The following ARFGEF1 variants were observed in gnomAD, a reference collection of about 807,000 sequenced individuals.
The protein encoded by ARFGEF1 is ARF guanine nucleotide exchange factor 1, also known as brefeldin A-inhibited guanine nucleotide-exchange protein 1.
In ARFGEF1, 42 loss-of-function variants were observed where a neutral mutation model predicts 231.0. The observed-to-expected ratio is 0.18, with a 90% CI of 0.14 to 0.24. The LOEUF (loss-of-function observed/expected upper bound fraction) is 0.24, where lower values mean the gene tolerates loss of function less well. ARFGEF1 is among the 10% of genes least tolerant of loss of function. The pLI is 1.00. For synonymous variants in ARFGEF1, 710 were observed against 732.3 expected, an observed-to-expected ratio of 0.97 and a Z score of 0.49; for missense variants, 1,345 against 2,192.0, an observed-to-expected ratio of 0.61 and a Z score of 7.72.
chr8:67,227,220 A>T lies in ARFGEF1; in HGVS notation c.3833T>A (p.Ile1278Asn), dbSNP rs1160560536. 1 of 1,613,130 alleles carries T rather than the reference A, an allele frequency of 6.2e-7. No homozygotes were observed. The highest frequency in any genetic ancestry group is 1.7e-5 in the Admixed American group (1 of 59,978). The change falls in exon 27 of 39, where the codon ATT (isoleucine) becomes AAT (asparagine). Residue 1278 changes from isoleucine (I) to asparagine (N), a missense_variant. Around this residue, in one of 14 missense-constraint regions of ARFGEF1, gnomAD observed 142 missense variants for 227.3 expected, o/e 0.62. Coordinates refer to ENST00000262215, the MANE Select transcript of ARFGEF1 (RefSeq NM_006421.5). ...AANIRSGWKN[I>N]FSVFHLAASD... ...TGCAGCTAGATGAAATACAGAGAAA[A>T]TGTTCTTCCATCCAGATCGAATGTT...
chr8:67,307,500 T>G (rs1563905453), intron 1 of ARFGEF1, among the ~76,000 whole-genome samples: 1 of 152,172 alleles, frequency 6.6e-6, no homozygotes. Context: ...ATTAACCTAG[T>G]AAGGCAGGGA....
intron 1 of ARFGEF1, among the ~76,000 whole-genome samples, chr8:67,311,236 G>A (rs1179665477): frequency 2.3e-4 from 32 of 141,194 alleles, no homozygotes; most frequent in South Asian, 4.6e-4. Context: ...CGGGAGGGAG[G>A]TGGGGAGGTC....
At chr8:67,342,182 T>G (rs1041594726) in intron 1 of ARFGEF1, among the ~76,000 whole-genome samples, 5 of 152,196 alleles carry the variant, frequency 3.3e-5, no homozygotes, top group Non-Finnish European at 7.3e-5. Flanking sequence ...GTGTAAACAT[T>G]AGGAATGTAT....
chr8:67,228,843 CTCTT>C (rs1286632182), intron 23 of ARFGEF1, among the ~76,000 whole-genome samples: 2 of 152,034 alleles, frequency 1.3e-5, no homozygotes, highest in African/African-American at 2.4e-5. Flanking sequence ...CTTTGCTGAG[CTCTT>C]TTTTTGTTTC....
chr8:67,342,289 A>T (rs1381808703), intron 1 of ARFGEF1, among the ~76,000 whole-genome samples: 2 of 152,170 alleles, frequency 1.3e-5, no homozygotes, highest in Non-Finnish European at 2.9e-5. Context: ...TCATCTGCCT[A>T]ACCTCATAGG....
chr8:67,183,946 G>T (rs995333298), intron 5 of ARFGEF1, among the ~76,000 whole-genome samples: 15 of 147,740 alleles, frequency 1.0e-4, no homozygotes, highest in Admixed American at 9.7e-4. Context: ...TCCGCCTCCC[G>T]GGTTCAAGCG....
In ARFGEF1 at chr8:67,182,674, C is replaced by T. The variant is rs529783202; in HGVS notation, c.561-7102G>A. On this transcript the variant is annotated intron_variant, in intron 5 of 5. Coordinates refer to the ARFGEF1 transcript ENST00000518789. ...ACTTTGTTTTTTGAATAGTAGCAAT[C>T]CTTACGGGTGTGACGTGGCATCTCA... Among the ~76,000 whole-genome samples the T allele has an allele frequency of 4.7e-3, 718 of 152,306 alleles. 5 individuals are homozygous for T. Among genetic ancestry groups the T allele is most frequent in the Non-Finnish European group, 8.5e-3 (577 of 68,022 alleles).
chr8:67,331,567 C>G (rs1423208904), intron 1 of ARFGEF1, among the ~76,000 whole-genome samples: 2 of 152,050 alleles, frequency 1.3e-5, no homozygotes, highest in South Asian at 4.1e-4. Context: ...GTCCATAAGC[C>G]ACCCAGTTTA....
At chr8:67,340,542 G>A (rs1479191337) in intron 1 of ARFGEF1, among the ~76,000 whole-genome samples, 2 of 152,204 alleles carry the variant, frequency 1.3e-5, no homozygotes, top group Non-Finnish European at 2.9e-5. Context: ...CCATCTTCCT[G>A]CAAAATATAC....
chr8:67,210,314 C>CA (rs921005150), intron 34 of ARFGEF1, among the ~76,000 whole-genome samples: 2 of 149,994 alleles, frequency 1.3e-5, no homozygotes, highest in South Asian at 2.1e-4. Flanking sequence ...CCTGTCCCTA[C>CA]AAAAAAATAT....
At chr8:67,236,578 G>A (rs1041871187) in intron 22 of ARFGEF1, among the ~76,000 whole-genome samples, 7 of 151,892 alleles carry the variant, frequency 4.6e-5, no homozygotes, top group Non-Finnish European at 7.4e-5. Context: ...GTTATCCAAC[G>A]GGACGGCCCA....
chr8:67,332,494 T>C (rs1808143725), intron 1 of ARFGEF1, among the ~76,000 whole-genome samples: 1 of 152,158 alleles, frequency 6.6e-6, no homozygotes, highest in South Asian at 2.1e-4. Flanking sequence ...ACACACGAAT[T>C]TGCCTGACTT....
rs760327271 is a variant in ARFGEF1 at position 67,227,197 on chromosome 8, C to T, written c.3856G>A (p.Ala1286Thr). ...ACTATGCTTTCATCTTGATCAGATGCAGCTAGATGAAATACAGAGAAAATG... is the reference window on the plus strand; with the variant it reads ...ACTATGCTTTCATCTTGATCAGATGTAGCTAGATGAAATACAGAGAAAATG... The part of the protein sequence containing the change: ...KNIFSVFHLA[A>T]SDQDESIVEL... Residue 1286 changes from alanine to threonine, a missense_variant, in exon 27 of 39, where the codon GCA becomes ACA. This residue lies in a region of ARFGEF1 where 142 missense variants were observed against 227.3 expected (regional missense o/e 0.62). Coordinates refer to ENST00000262215, the MANE Select transcript of ARFGEF1 (RefSeq NM_006421.5). 6.2e-7 allele frequency: 1 copy of T among 1,612,826 alleles called. No individual in the cohort carries two copies. The highest frequency in any genetic ancestry group is 1.3e-5 in the African/African-American group (1 of 74,814).
At chr8:67,183,419 T>C (rs1158765632) in intron 5 of ARFGEF1, among the ~76,000 whole-genome samples, 1 of 151,988 alleles carries the variant, frequency 6.6e-6, no homozygotes, top group African/African-American at 2.4e-5. Flanking sequence ...CCTTAACAGA[T>C]GTAAAAGAAG....
intron 5 of ARFGEF1, among the ~76,000 whole-genome samples, chr8:67,192,590 TAAG>T (rs1836678653): frequency 6.6e-6 from 1 of 152,164 alleles, no homozygotes; most frequent in South Asian, 2.1e-4. Flanking sequence ...GTGTCTTAAT[TAAG>T]AAACCATTGC....
chr8:67,296,682 G>C (rs192295458), intron 4 of ARFGEF1, 72 bp from the exon 5 acceptor site: 2 of 1,255,120 alleles, frequency 1.6e-6, no homozygotes, highest in African/African-American at 3.1e-5. Flanking sequence ...AGTCTTTCTC[G>C]CTCTGTCACC....
intron 29 of ARFGEF1, among the ~76,000 whole-genome samples, chr8:67,224,436 G>A (rs538996185): frequency 5.9e-5 from 9 of 152,242 alleles, no homozygotes; most frequent in African/African-American, 2.2e-4. Flanking sequence ...ATATACTTTT[G>A]AAAGAGTTCT....
chr8:67,248,965 T>C (rs777494486), intron 19 of ARFGEF1, among the ~76,000 whole-genome samples: 18 of 150,380 alleles, frequency 1.2e-4, no homozygotes, highest in Non-Finnish European at 2.5e-4. Flanking sequence ...CTTTTTTTTG[T>C]CTTTGCTTTA....
intron 6 of ARFGEF1, among the ~76,000 whole-genome samples, chr8:67,289,549 CAAAAAAAAAAAAAAA>C (rs552601455): frequency 3.1e-4 from 14 of 44,846 alleles, no homozygotes; most frequent in South Asian, 8.9e-4. Flanking sequence ...ACTCTGTATC[CAAAAAAAAAAAAAAA>C]AAAAAAAAAA....
Sources: allele counts gnomAD v4.1 joint callset (sites outside exome capture counted in the v4.1 genomes callset), GRCh38; gene constraint gnomAD v4.1.1; regional missense constraint gnomAD v4.1.1; transcripts MANE v1.5; gene names NCBI Gene and HGNC (gene_info 2026-07-23, HGNC 2026-07-21).